Variants in SGCZ observed in about 807,000 individuals in gnomAD.
SGCZ encodes the protein zeta-sarcoglycan.
Under a neutral mutation model 41.3 loss-of-function variants are expected in SGCZ, and 40 were observed. The ratio of observed to expected loss-of-function variants is 0.97; its 90% confidence interval spans 0.75 to 1.26. SGCZ has a LOEUF of 1.26. Among genes scored for constraint, SGCZ ranks in the 50% most tolerant of loss-of-function variants. The pLI is 0.00. For synonymous variants in SGCZ, 206 were observed against 137.5 expected, an observed-to-expected ratio of 1.50 and a Z score of -3.49; for missense variants, 552 against 369.8, an observed-to-expected ratio of 1.49 and a Z score of -4.04.
At chr8:15,002,272 C>T (rs1585458998) in intron 1 of SGCZ, among the ~76,000 whole-genome samples, 1 of 149,898 alleles carries the variant, frequency 6.7e-6, no homozygotes, top group Non-Finnish European at 1.5e-5. Context: ...TTTAAGAAAA[C>T]TGAAAGATAA....
chr8:14,961,470 G>T (rs1413289579), intron 1 of SGCZ, among the ~76,000 whole-genome samples: 1 of 151,668 alleles, frequency 6.6e-6, no homozygotes, highest in East Asian at 1.9e-4. Context: ...CATACAATAA[G>T]GTATTTTGAG....
intron 5 of SGCZ, among the ~76,000 whole-genome samples, chr8:14,115,991 C>A (rs57392646): frequency 6.6e-6 from 1 of 152,154 alleles, no homozygotes; most frequent in African/African-American, 2.4e-5. Flanking sequence ...GAATGCACAG[C>A]GCTAGAGATT....
At chr8:15,016,994 C>T (rs1039806906) in intron 1 of SGCZ, among the ~76,000 whole-genome samples, 4 of 152,126 alleles carry the variant, frequency 2.6e-5, no homozygotes, top group Non-Finnish European at 5.9e-5. Flanking sequence ...CTGAAGGATC[C>T]ACCCCCATGA....
chr8:14,674,930 T>C (rs1213664026), intron 1 of SGCZ, among the ~76,000 whole-genome samples: 719 of 37,946 alleles, frequency 0.019, 171 homozygotes, highest in African/African-American at 0.065. Context: ...TCTTTTCTGT[T>C]TTTTTTTTTT....
At chr8:14,572,062 T>C (rs1804571506) in intron 1 of SGCZ, among the ~76,000 whole-genome samples, 1 of 152,158 alleles carries the variant, frequency 6.6e-6, no homozygotes, top group Non-Finnish European at 1.5e-5. Flanking sequence ...ATTACATGAA[T>C]TTAAGGATGA....
intron 1 of SGCZ, among the ~76,000 whole-genome samples, chr8:14,846,101 T>C (rs796953832): frequency 1.2e-4 from 18 of 152,076 alleles, no homozygotes; most frequent in African/African-American, 4.1e-4. Context: ...TCAAAACACC[T>C]CTCTCAATAA....
chr8:14,833,566 G>A (rs560034863), intron 1 of SGCZ, among the ~76,000 whole-genome samples: 3 of 152,280 alleles, frequency 2.0e-5, no homozygotes, highest in African/African-American at 7.2e-5. Context: ...GGTTTGATTT[G>A]AAAGGGAGGA....
chr8:15,209,475 T>TAA (rs57088562), intron 1 of SGCZ, among the ~76,000 whole-genome samples: 85 of 142,210 alleles, frequency 6.0e-4, no homozygotes, highest in Non-Finnish European at 9.2e-4. Context: ...AGCATAATAG[T>TAA]AAAAAAAAAA....
intron 1 of SGCZ, among the ~76,000 whole-genome samples, chr8:14,871,140 G>C (rs1004653920): frequency 6.6e-6 from 1 of 152,080 alleles, no homozygotes; most frequent in Admixed American, 6.6e-5. Flanking sequence ...CCAAGAGGCA[G>C]AGGTTAACGT....
intron 4 of SGCZ, among the ~76,000 whole-genome samples, chr8:14,179,287 G>A (rs572126533): frequency 8.5e-5 from 13 of 152,194 alleles, no homozygotes; most frequent in East Asian, 1.9e-4. Context: ...ACATGCAGCC[G>A]TATCCAATAT....
chr8:14,623,652 G>A (rs1487353601), intron 1 of SGCZ, among the ~76,000 whole-genome samples: 1 of 152,144 alleles, frequency 6.6e-6, no homozygotes, highest in East Asian at 1.9e-4. Context: ...AGTGGCCAAT[G>A]AGTTATGAAC....
intron 1 of SGCZ, among the ~76,000 whole-genome samples, chr8:14,988,813 A>AAATAC: frequency 6.6e-6 from 1 of 152,182 alleles, no homozygotes; most frequent in East Asian, 1.9e-4. Context: ...AATACCATTG[A>AAATAC]AATACTAAGA....
intron 1 of SGCZ, among the ~76,000 whole-genome samples, chr8:15,185,941 T>C (rs1169463655): frequency 6.6e-6 from 1 of 151,760 alleles, no homozygotes; most frequent in African/African-American, 2.4e-5. Flanking sequence ...TTAATTTCTC[T>C]CGGCTGGGCG....
At position 14,641,307 on chromosome 8, in the gene SGCZ, C is replaced by A. The variant is rs199780995; in HGVS notation, c.40-86381G>T. Among the ~76,000 whole-genome samples, 3 of 151,772 alleles carry A rather than the reference C, an allele frequency of 2.0e-5. No homozygotes were observed. The East Asian group carries it at 5.8e-4, about 30-fold the overall frequency. On this transcript the variant is annotated intron_variant, in intron 1 of 7. Coordinates refer to ENST00000382080, the MANE Select transcript of SGCZ (RefSeq NM_139167.4). ...CATATAATATGCACACATAAAAATTCTTGATAAAGTTTCAAGATGGATGCA... is the reference window on the plus strand; with the variant it reads ...CATATAATATGCACACATAAAAATTATTGATAAAGTTTCAAGATGGATGCA...
intron 1 of SGCZ, among the ~76,000 whole-genome samples, chr8:15,168,468 A>C (rs268403): frequency 0.64 from 98,105 of 152,134 alleles, 32,611 homozygotes; most frequent in African/African-American, 0.73. Context: ...AGCTCCCCCC[A>C]CAACCCAACC....
chr8:14,581,387 A>G (rs1232075585), intron 1 of SGCZ, among the ~76,000 whole-genome samples: 1 of 151,780 alleles, frequency 6.6e-6, no homozygotes, highest in Admixed American at 6.6e-5. Flanking sequence ...GAATACAGGC[A>G]TGAGCCATGA....
chr8:14,961,479 A>C (rs1006577345), intron 1 of SGCZ, among the ~76,000 whole-genome samples: 6 of 151,556 alleles, frequency 4.0e-5, no homozygotes, highest in African/African-American at 1.5e-4. Flanking sequence ...AGGTATTTTG[A>C]GAGAGAGAGA....
chr8:14,906,317 T>C (rs1311519978), intron 1 of SGCZ, among the ~76,000 whole-genome samples: 1 of 152,126 alleles, frequency 6.6e-6, no homozygotes, highest in Non-Finnish European at 1.5e-5. Flanking sequence ...TTAGAAATGT[T>C]ACTTCTTGAA....
At chr8:15,111,150 T>G (rs1351996435) in intron 1 of SGCZ, among the ~76,000 whole-genome samples, 2 of 151,984 alleles carry the variant, frequency 1.3e-5, no homozygotes, top group Admixed American at 6.6e-5. Context: ...CCAAGGGGAA[T>G]TCACACTATT....
Sources: allele counts gnomAD v4.1 joint callset (sites outside exome capture counted in the v4.1 genomes callset), GRCh38; gene constraint gnomAD v4.1.1; transcripts MANE v1.5; gene names NCBI Gene and HGNC (gene_info 2026-07-23, HGNC 2026-07-21).